C10orf143: variants seen among roughly 807,000 people sequenced by gnomAD.
The protein encoded by C10orf143 is uncharacterized protein C10orf143.
chr10:130,059,070 T>C (rs912127786), downstream of C10orf143, among the ~76,000 whole-genome samples: 8 of 152,346 alleles, frequency 5.3e-5, no homozygotes, highest in East Asian at 1.3e-3. Context: ...TTAGAATAAC[T>C]GGTTAATATT....
At chr10:130,048,296 C>T (rs959681807) in intron 3 of C10orf143, among the ~76,000 whole-genome samples, 2 of 152,230 alleles carry the variant, frequency 1.3e-5, no homozygotes, top group Non-Finnish European at 2.9e-5. Flanking sequence ...TCCCTGGACC[C>T]ACCTGCCTTG....
intron 3 of C10orf143, among the ~76,000 whole-genome samples, chr10:130,072,092 A>G (rs937128554): frequency 1.3e-5 from 2 of 151,600 alleles, no homozygotes; most frequent in Non-Finnish European, 2.9e-5. Flanking sequence ...GGCACAATTT[A>G]TAGGTGTATG....
rs148244374 is a variant in C10orf143 at position 130,071,320 on chromosome 10, C to T, written c.298-6937G>A. ...TTCTGAGGAAGTGAACACATCCTTTCACTCTACCTCACTCACAGTTATAGC... is the reference window on the plus strand; with the variant it reads ...TTCTGAGGAAGTGAACACATCCTTTTACTCTACCTCACTCACAGTTATAGC... On this transcript the variant is annotated intron_variant, in intron 3 of 3. Transcript: ENST00000637128. Among the ~76,000 whole-genome samples, 510 of 152,298 alleles carry T rather than the reference C, an allele frequency of 3.3e-3. 1 individual carries two copies. The highest frequency in any genetic ancestry group is 0.011 in the African/African-American group (474 of 41,560).
In C10orf143 at chr10:130,102,033, G is replaced by A. The variant is rs538097302; in HGVS notation, c.69+8671C>T. On this transcript the variant is annotated intron_variant, in intron 1 of 3. Transcript: ENST00000637128. ...TGTGATCCCAACACTTTGGGAGGCT[G>A]AAGCCAGGCAGATTGCTTGAGCCCA... Among the ~76,000 whole-genome samples the A allele has an allele frequency of 5.9e-5, 9 of 152,168 alleles. 1 individual carries two copies. In the East Asian group the frequency reaches 1.4e-3, roughly 23 times the overall value.
At chr10:130,042,108 A>C (rs558549976) in intron 3 of C10orf143, among the ~76,000 whole-genome samples, 28 of 152,346 alleles carry the variant, frequency 1.8e-4, no homozygotes, top group Admixed American at 6.5e-4. Flanking sequence ...ATTCATGTGC[A>C]CACCCATACA....
chr10:130,053,365 C>T (rs1423120866), intron 3 of C10orf143, among the ~76,000 whole-genome samples: 1 of 152,172 alleles, frequency 6.6e-6, no homozygotes, highest in Non-Finnish European at 1.5e-5. Flanking sequence ...GCCACCACGC[C>T]CGGCCAAAGT....
chr10:130,106,318 A>G, intron 1 of C10orf143: 1 of 1,596,580 alleles, frequency 6.3e-7, no homozygotes, highest in Non-Finnish European at 8.6e-7. Context: ...AAAAATGTAA[A>G]CTACTTGAAA....
At chr10:130,094,317 T>C (rs1861430409) in intron 1 of C10orf143, among the ~76,000 whole-genome samples, 1 of 152,176 alleles carries the variant, frequency 6.6e-6, no homozygotes, top group African/African-American at 2.4e-5. Flanking sequence ...GCTGGTACCA[T>C]TCCTTCTGAA....
intron 1 of C10orf143, among the ~76,000 whole-genome samples, chr10:130,097,369 T>C (rs1003099): frequency 0.14 from 21,217 of 151,984 alleles, 2,757 homozygotes; most frequent in African/African-American, 0.33. Flanking sequence ...CTGGGCAACA[T>C]AGCAAGACTG....
At chr10:130,059,822 C>A (rs1384253815), downstream of C10orf143, among the ~76,000 whole-genome samples, 3 of 152,152 alleles carry the variant, frequency 2.0e-5, no homozygotes, top group African/African-American at 7.2e-5. Flanking sequence ...TCCCAATTCA[C>A]ACAAGTTGTA....
intron 3 of C10orf143, among the ~76,000 whole-genome samples, chr10:130,076,986 C>G (rs1480217806): frequency 1.3e-5 from 2 of 152,134 alleles, no homozygotes; most frequent in Non-Finnish European, 2.9e-5. Flanking sequence ...TGGGTCCCAC[C>G]ACATTCATTT....
intron 1 of C10orf143, among the ~76,000 whole-genome samples, chr10:130,087,696 C>G (rs2134781798): frequency 6.6e-6 from 1 of 152,238 alleles, no homozygotes; most frequent in African/African-American, 2.4e-5. Context: ...AACAGTTTGC[C>G]AGAGATGAGA....
chr10:130,045,561 G>C (rs900502723), intron 3 of C10orf143, among the ~76,000 whole-genome samples: 1 of 152,224 alleles, frequency 6.6e-6, no homozygotes, highest in Admixed American at 6.5e-5. Flanking sequence ...GCGCCCCTGG[G>C]AGCTGCCTCC....
In C10orf143 at chr10:130,074,277, T is replaced by G. The variant is rs143734282; in HGVS notation, c.297+5289A>C. ...GGACCTCACTTTCCTTATCTGTAAATTGACAGGGTTAGACCAATGAACTCC... is the reference window on the plus strand; with the variant it reads ...GGACCTCACTTTCCTTATCTGTAAAGTGACAGGGTTAGACCAATGAACTCC... On this transcript the variant is annotated intron_variant, in intron 3 of 3. Transcript: ENST00000637128. Among the ~76,000 whole-genome samples, 506 of 152,232 alleles carry G rather than the reference T, an allele frequency of 3.3e-3. 6 individuals carry two copies. Among genetic ancestry groups the G allele is most frequent in the African/African-American group, 0.012 (481 of 41,524 alleles).
At chr10:130,043,350 A>T (rs1024928277) in intron 3 of C10orf143, among the ~76,000 whole-genome samples, 1 of 152,222 alleles carries the variant, frequency 6.6e-6, no homozygotes, top group African/African-American at 2.4e-5. Context: ...TCAGCTGGCT[A>T]GACACAAAAC....
At chr10:130,045,253 C>G (rs373166351) in intron 3 of C10orf143, among the ~76,000 whole-genome samples, 164 of 152,376 alleles carry the variant, frequency 1.1e-3, no homozygotes, top group African/African-American at 3.9e-3. Flanking sequence ...GCAGGCACCT[C>G]GCCAGGCATT....
intron 3 of C10orf143, among the ~76,000 whole-genome samples, chr10:130,077,774 C>T (rs1230240169): frequency 6.6e-6 from 1 of 152,100 alleles, no homozygotes; most frequent in Non-Finnish European, 1.5e-5. Context: ...ATTTTAAAAG[C>T]TTAGGAGAGA....
intron 1 of C10orf143, among the ~76,000 whole-genome samples, chr10:130,098,366 C>G (rs1446465689): frequency 6.6e-6 from 1 of 152,090 alleles, no homozygotes; most frequent in Non-Finnish European, 1.5e-5. Context: ...ATAACACGGT[C>G]TTGGTAACTG....
chr10:130,044,240 G>A (rs995681697), intron 3 of C10orf143, among the ~76,000 whole-genome samples: 2 of 152,174 alleles, frequency 1.3e-5, no homozygotes, highest in East Asian at 1.9e-4. Context: ...AAAAGTGACC[G>A]AGACATTTGA....
Sources: allele counts gnomAD v4.1 joint callset (sites outside exome capture counted in the v4.1 genomes callset), GRCh38; gene constraint gnomAD v4.1.1; transcripts MANE v1.5; gene names NCBI Gene and HGNC (gene_info 2026-07-23, HGNC 2026-07-21).